PALLD: variants seen among roughly 807,000 people sequenced by gnomAD.
PALLD encodes palladin, cytoskeletal associated protein.
A neutral mutation model predicts 123.5 loss-of-function variants in PALLD; 61 were observed. The observed-to-expected ratio is 0.49, with a 90% CI of 0.40 to 0.61. The LOEUF (loss-of-function observed/expected upper bound fraction) is 0.61. PALLD is among the 20% of genes least tolerant of loss of function. The pLI is 0.00. For missense variants in PALLD, 1,273 were observed against 1,377.0 expected (o/e 0.92, Z 1.20); for synonymous variants, 465 against 496.4 (o/e 0.94, Z 0.84).
chr4:168,865,128 C>A (rs1372899254), intron 10 of PALLD, among the ~76,000 whole-genome samples: 1 of 152,224 alleles, frequency 6.6e-6, no homozygotes, highest in Non-Finnish European at 1.5e-5. Context: ...GGTGCTGCCC[C>A]CTGAGGGGAA....
At chr4:168,728,519 A>T (rs1786819098) in intron 10 of PALLD, among the ~76,000 whole-genome samples, 1 of 152,188 alleles carries the variant, frequency 6.6e-6, no homozygotes, top group Admixed American at 6.5e-5. Context: ...TTACTGGTGT[A>T]TAGAAATGCT....
chr4:168,566,418 C>A (rs1022493472), intron 2 of PALLD, among the ~76,000 whole-genome samples: 1 of 152,132 alleles, frequency 6.6e-6, no homozygotes, highest in Non-Finnish European at 1.5e-5. Flanking sequence ...CTACCTCAGC[C>A]TCCTAAGTAG....
chr4:168,621,641 G>A (rs183402154), intron 2 of PALLD, among the ~76,000 whole-genome samples: 38 of 152,172 alleles, frequency 2.5e-4, no homozygotes, highest in African/African-American at 9.2e-4. Flanking sequence ...CCTTGTTTTG[G>A]TATGTAAGTC....
chr4:168,891,898 C>G lies in PALLD; in HGVS notation c.2100+841C>G, dbSNP rs1754205836. On this transcript the variant is annotated intron_variant, in intron 11 of 21. Transcript: ENST00000505667. Reference sequence around the variant, plus strand: ...TTGGGGAAGTTCTGTTCTTTTCTCCCAGACTACTACTAGATATTAATTCAG... The same window carrying G: ...TTGGGGAAGTTCTGTTCTTTTCTCCGAGACTACTACTAGATATTAATTCAG... 2.6e-5 allele frequency among the ~76,000 whole-genome samples: 4 copies of G among 152,102 alleles called. No individual in the cohort carries two copies. The South Asian group carries it at 8.3e-4, about 32-fold the overall frequency.
intron 10 of PALLD, among the ~76,000 whole-genome samples, chr4:168,871,052 C>G (rs1751008538): frequency 6.6e-6 from 1 of 152,154 alleles, no homozygotes; most frequent in South Asian, 2.1e-4. Context: ...AGGATTGCTA[C>G]TTTTTGTAAA....
intron 10 of PALLD, among the ~76,000 whole-genome samples, chr4:168,722,474 A>T (rs1786116742): frequency 6.6e-6 from 1 of 152,242 alleles, no homozygotes; most frequent in African/African-American, 2.4e-5. Flanking sequence ...TGAAGGCAAG[A>T]CTAAGATTCC....
chr4:168,700,852 C>A (rs936449686), intron 8 of PALLD: 5 of 151,928 alleles, frequency 3.3e-5, no homozygotes, highest in African/African-American at 7.3e-5. Flanking sequence ...AACAGTGAAA[C>A]CCCTGTTTCT....
intron 2 of PALLD, among the ~76,000 whole-genome samples, chr4:168,663,117 A>AG (rs1241260164): frequency 3.3e-5 from 5 of 152,386 alleles, no homozygotes; most frequent in Admixed American, 2.0e-4. Context: ...CTTCTTTGAT[A>AG]AGCTCAATGG....
chr4:168,730,832 C>A (rs150397978), intron 10 of PALLD, among the ~76,000 whole-genome samples: 631 of 152,260 alleles, frequency 4.1e-3, no homozygotes, highest in African/African-American at 0.014. Context: ...ATGCATCCAT[C>A]TAATTCCTTA....
At chr4:168,510,725 C>T (rs1242630164) in intron 1 of PALLD, among the ~76,000 whole-genome samples, 4 of 152,182 alleles carry the variant, frequency 2.6e-5, no homozygotes, top group Non-Finnish European at 4.4e-5. Flanking sequence ...TTTATTGGCA[C>T]ACAGTCATGC....
chr4:168,558,949 G>A (rs1189371950), intron 2 of PALLD, among the ~76,000 whole-genome samples: 5 of 152,108 alleles, frequency 3.3e-5, no homozygotes. Context: ...TTTCCACATA[G>A]CAATTGAAAT....
intron 3 of PALLD, among the ~76,000 whole-genome samples, chr4:168,680,412 G>A (rs1781428837): frequency 6.7e-6 from 1 of 148,590 alleles, no homozygotes. Flanking sequence ...AACCCAGGAG[G>A]CAGAGGTTGC....
chr4:168,631,923 T>C (rs1775855733), intron 2 of PALLD: 20 of 984,750 alleles, frequency 2.0e-5, no homozygotes, highest in Non-Finnish European at 2.3e-5. Context: ...ATTAAATCTA[T>C]GCAGACATGG....
intron 2 of PALLD, chr4:168,598,303 C>CTCATCATTGTG: frequency 2.4e-6 from 1 of 421,300 alleles, no homozygotes; most frequent in Non-Finnish European, 4.7e-6. Flanking sequence ...CATCCTCCTC[C>CTCATCATTGTG]TCATCATTGT....
chr4:168,716,487 T>C (rs924842119), intron 10 of PALLD, among the ~76,000 whole-genome samples: 2 of 152,198 alleles, frequency 1.3e-5, no homozygotes, highest in East Asian at 3.8e-4. Context: ...AGTATTATGA[T>C]TTTCTATCTT....
intron 10 of PALLD, among the ~76,000 whole-genome samples, chr4:168,762,878 A>T (rs554887388): frequency 2.6e-5 from 4 of 152,230 alleles, no homozygotes; most frequent in African/African-American, 7.2e-5. Flanking sequence ...CTTTGCAGGG[A>T]TATGGATGAA....
At chr4:168,672,664 T>C (rs1390607769) in intron 3 of PALLD, among the ~76,000 whole-genome samples, 1 of 152,146 alleles carries the variant, frequency 6.6e-6, no homozygotes, top group African/African-American at 2.4e-5. Flanking sequence ...TTCGCCGTGT[T>C]AGCCAGGATG....
At chr4:168,612,639 C>T (rs971084067) in intron 2 of PALLD, among the ~76,000 whole-genome samples, 4 of 152,182 alleles carry the variant, frequency 2.6e-5, no homozygotes, top group Non-Finnish European at 4.4e-5. Context: ...GACTGCCTTG[C>T]AACTGCCTCA....
intron 11 of PALLD, chr4:168,894,338 T>G: frequency 1.9e-6 from 1 of 522,604 alleles, no homozygotes; most frequent in South Asian, 2.3e-5. Flanking sequence ...CGCTTATTGC[T>G]CACTTTAAAT....
Sources: gnomAD v4.1 joint callset for allele counts (sites outside exome capture counted in the v4.1 genomes callset) on GRCh38, gnomAD v4.1.1 for gene constraint, MANE v1.5 for transcripts, NCBI Gene and HGNC (gene_info 2026-07-23, HGNC 2026-07-21) for gene names.